MIB1: variants seen among roughly 807,000 people sequenced by gnomAD.
The protein encoded by MIB1 is MIB E3 ubiquitin protein ligase 1, also known as E3 ubiquitin-protein ligase MIB1.
A neutral mutation model predicts 124.5 loss-of-function variants in MIB1; 278 were observed. That is an observed-to-expected ratio of 2.23 (90% CI 2.02 to 2.47). The LOEUF (loss-of-function observed/expected upper bound fraction) is 2.47. Among genes scored for constraint, MIB1 ranks in the 30% most tolerant of loss-of-function variants. MIB1 has a pLI of 0.00. For missense variants in MIB1, 957 were observed against 1,254.4 expected (o/e 0.76, Z 3.58); for synonymous variants, 446 against 429.4 (o/e 1.04, Z -0.48).
chr18:21,810,212 A>G (rs868611292), intron 10 of MIB1, among the ~76,000 whole-genome samples: 2 of 152,110 alleles, frequency 1.3e-5, no homozygotes, highest in South Asian at 2.1e-4. Context: ...TATACATTGA[A>G]AACTACAAAA....
chr18:21,779,575 T>C lies in MIB1; in HGVS notation c.798T>C (p.His266=). 1 of 1,614,116 alleles carries C rather than the reference T, an allele frequency of 6.2e-7. No homozygotes were observed. Among genetic ancestry groups the C allele is most frequent in the African/African-American group, 1.3e-5 (1 of 75,056 alleles). The change falls in exon 6 of 21, where the codon CAT becomes CAC. Residue 266 remains histidine, a synonymous_variant. Coordinates refer to ENST00000261537, the MANE Select transcript of MIB1 (RefSeq NM_020774.4). ...TCGAAATTGTACAGTCTTTGCAGCATGGTCATGGAGGATGGACTGATGGAA... is the reference window on the plus strand; with the variant it reads ...TCGAAATTGTACAGTCTTTGCAGCACGGTCATGGAGGATGGACTGATGGAA... The part of the protein sequence containing the change: ...LDLEIVQSLQ[H]GHGGWTDGMF...
At chr18:21,817,217 A>G (rs978541780) in intron 11 of MIB1, among the ~76,000 whole-genome samples, 24 of 125,900 alleles carry the variant, frequency 1.9e-4, no homozygotes, top group African/African-American at 7.7e-4. Context: ...GCTGGAATTC[A>G]GTGGCGTGAT....
At chr18:21,711,717 A>T (rs1014002140) in intron 1 of MIB1, among the ~76,000 whole-genome samples, 2 of 151,802 alleles carry the variant, frequency 1.3e-5, no homozygotes, top group African/African-American at 4.8e-5. Context: ...TTTTTTTGAC[A>T]AGGTTTTGCT....
At chr18:21,794,580 T>G (rs2041552512) in intron 7 of MIB1, among the ~76,000 whole-genome samples, 1 of 151,996 alleles carries the variant, frequency 6.6e-6, no homozygotes, top group Non-Finnish European at 1.5e-5. Context: ...GAAAACAATT[T>G]GAAACTAAAT....
At chr18:21,835,834 CACACAA>C (rs1156659390) in intron 12 of MIB1, among the ~76,000 whole-genome samples, 1,143 of 85,268 alleles carry the variant, frequency 0.013, 32 homozygotes, top group East Asian at 0.093. Context: ...CACACACACA[CACACAA>C]ACACACACGA....
At chr18:21,827,116 A>G (rs1333265389) in intron 12 of MIB1, 1 of 152,124 alleles carries the variant, frequency 6.6e-6, no homozygotes, top group Non-Finnish European at 1.5e-5. Context: ...ATAGTACAGC[A>G]TTTGATAATG....
chr18:21,865,349 A>G lies in MIB1; in HGVS notation c.*683A>G, dbSNP rs2042312393. On this transcript the variant is annotated 3_prime_UTR_variant, in exon 21 of 21. Coordinates refer to ENST00000261537, the MANE Select transcript of MIB1 (RefSeq NM_020774.4). ...GATTACCAGTTTCAAGGTGACTGAT[A>G]GACAAGAAAAGGAAAAATAAGCAAT... 1 of 152,190 alleles carries G rather than the reference A, an allele frequency of 6.6e-6. No homozygotes were observed. The highest frequency in any genetic ancestry group is 6.5e-5 in the Admixed American group (1 of 15,268). The allele number at this position is 152,190 out of a possible 1,614,324, so 9.4% of individuals were successfully genotyped here.
At chr18:21,778,803 A>C (rs889851818) in intron 5 of MIB1, among the ~76,000 whole-genome samples, 2 of 151,748 alleles carry the variant, frequency 1.3e-5, no homozygotes, top group Admixed American at 1.3e-4. Flanking sequence ...ATTTTTTTTT[A>C]AAAAAGGAGA....
In MIB1 at chr18:21,779,640, T is replaced by C. The variant is rs1568198009; in HGVS notation, c.863T>C (p.Ile288Thr). The change falls in exon 6 of 21, where the codon ATT becomes ACT. Residue 288 changes from isoleucine (I) to threonine (T), a missense_variant. Physicochemically the swap from Ile to Thr is moderately conservative, Grantham distance 89 (BLOSUM62 -1). Coordinates refer to ENST00000261537, the MANE Select transcript of MIB1 (RefSeq NM_020774.4). ...ACTACAACTGGAACTGTTTGTGGCA[T>C]TGATGAAGATCATGACATTGTAGTA... is the stretch of plus-strand genomic sequence containing the variant. ...TLTTTGTVCG[I>T]DEDHDIVVQY... 5.0e-6 allele frequency: 8 copies of C among 1,614,188 alleles called. No homozygotes were observed. Among genetic ancestry groups the C allele is most frequent in the South Asian group, 1.1e-5 (1 of 91,086 alleles).
At chr18:21,705,654 A>G (rs1327171506) in intron 1 of MIB1, among the ~76,000 whole-genome samples, 1 of 152,218 alleles carries the variant, frequency 6.6e-6, no homozygotes, top group Non-Finnish European at 1.5e-5. Context: ...TGCTGTCTAG[A>G]TTATGAAAAA....
intron 1 of MIB1, among the ~76,000 whole-genome samples, chr18:21,760,300 G>A (rs1389841901): frequency 6.6e-6 from 1 of 152,208 alleles, no homozygotes; most frequent in Non-Finnish European, 1.5e-5. Flanking sequence ...TACAGTAAGA[G>A]ATTAGTAAAA....
intron 17 of MIB1, among the ~76,000 whole-genome samples, chr18:21,849,999 G>C (rs1402043447): frequency 6.6e-6 from 1 of 152,214 alleles, no homozygotes; most frequent in East Asian, 1.9e-4. Context: ...CACAGTTGGT[G>C]CCACACACTT....
At chr18:21,809,121 A>G (rs2041741852) in intron 10 of MIB1, among the ~76,000 whole-genome samples, 1 of 152,106 alleles carries the variant, frequency 6.6e-6, no homozygotes. Flanking sequence ...AAGGATTATA[A>G]GAGAGTACTA....
intron 12 of MIB1, chr18:21,825,758 C>T (rs749370505): frequency 7.6e-6 from 4 of 527,396 alleles, no homozygotes; most frequent in Non-Finnish European, 1.6e-5. Context: ...GATTTGGTTC[C>T]ATTTTACCAG....
chr18:21,859,113 T>G (rs2042252226), intron 20 of MIB1, among the ~76,000 whole-genome samples: 1 of 152,202 alleles, frequency 6.6e-6, no homozygotes, highest in African/African-American at 2.4e-5. Context: ...CAGATGGTAT[T>G]AAAAGTTGAA....
At chr18:21,863,611 T>TACTA in intron 20 of MIB1, among the ~76,000 whole-genome samples, 1 of 152,054 alleles carries the variant, frequency 6.6e-6, no homozygotes, top group Non-Finnish European at 1.5e-5. Context: ...ACTACCTGGG[T>TACTA]CTGGAGTCTT....
At chr18:21,835,188 G>A (rs949236647) in intron 12 of MIB1, among the ~76,000 whole-genome samples, 2 of 151,950 alleles carry the variant, frequency 1.3e-5, no homozygotes, top group Non-Finnish European at 2.9e-5. Flanking sequence ...AGGCAGGGAA[G>A]TATATTTTAG....
rs1356570947 is a variant in MIB1 at position 21,741,808 on chromosome 18, C to T, written c.225C>T (p.Pro75=). 5 of 1,596,852 alleles carry T rather than the reference C, an allele frequency of 3.1e-6. No individual in the cohort carries two copies. The highest frequency in any genetic ancestry group is 1.3e-5 in the African/African-American group (1 of 74,516). The change falls in exon 1 of 21, where the codon CCC becomes CCT. Residue 75 remains proline, a synonymous_variant. Coordinates refer to ENST00000261537, the MANE Select transcript of MIB1 (RefSeq NM_020774.4). This position sits in a 1 kb window ranked among gnomAD's most constrained non-coding sequence, Gnocchi z 5.4. ...AYDLRILDSA[P]TGIKHDGTMC... Reference sequence around the variant, plus strand: ...ACCTCCGCATCCTGGACAGCGCGCCCACCGGTAAGCCGCGGCCACCTGGCC... The same window carrying T: ...ACCTCCGCATCCTGGACAGCGCGCCTACCGGTAAGCCGCGGCCACCTGGCC...
intron 7 of MIB1, among the ~76,000 whole-genome samples, chr18:21,792,218 C>G (rs188071970): frequency 1.2e-3 from 183 of 152,166 alleles, no homozygotes; most frequent in Non-Finnish European, 3.4e-4. Context: ...CTCTGTAGTT[C>G]TCCACCTTGC....
Sources: gnomAD v4.1 joint callset for allele counts (sites outside exome capture counted in the v4.1 genomes callset) on GRCh38, gnomAD v4.1.1 for gene constraint, Gnocchi (gnomAD v3.1) non-coding constraint, MANE v1.5 for transcripts, NCBI Gene and HGNC (gene_info 2026-07-23, HGNC 2026-07-21) for gene names.